Variants in TP63 observed in about 807,000 individuals in gnomAD.
The protein encoded by TP63 is tumor protein p63.
In TP63, 17 loss-of-function variants were observed where a neutral mutation model predicts 82.8. That is an observed-to-expected ratio of 0.21 (90% CI 0.14 to 0.31). TP63 has a LOEUF of 0.31. Ranked by LOEUF, TP63 falls within the 10% of genes least tolerant of loss-of-function variation. The probability of loss-of-function intolerance (pLI) is 1.00; values close to 1 mark genes in which losing one functional copy is unlikely to be tolerated. For synonymous variants in TP63, 330 were observed against 321.7 expected (o/e 1.03, Z -0.28); for missense variants, 648 against 895.3 (o/e 0.72, Z 3.52).
chr3:189,846,399 T>A (rs1714867902), intron 4 of TP63, among the ~76,000 whole-genome samples: 1 of 152,212 alleles, frequency 6.6e-6, no homozygotes, highest in South Asian at 2.1e-4. Context: ...TTGAAATATT[T>A]AGTTCATGTG....
intron 1 of TP63, among the ~76,000 whole-genome samples, chr3:189,693,798 T>A (rs1577252811): frequency 6.6e-6 from 1 of 152,226 alleles, no homozygotes; most frequent in East Asian, 1.9e-4. Flanking sequence ...TAACTCACGG[T>A]GCCTGGTGTT....
chr3:189,605,127 C>G, the TP63 span, among the ~76,000 whole-genome samples: 3 of 152,190 alleles, frequency 2.0e-5, no homozygotes, highest in Non-Finnish European at 2.9e-5. Flanking sequence ...GGAAAAAAGG[C>G]CTGTGTCCTT....
At chr3:189,612,441 A>G in the TP63 span, among the ~76,000 whole-genome samples, 1 of 152,170 alleles carries the variant, frequency 6.6e-6, no homozygotes, top group Non-Finnish European at 1.5e-5. Context: ...ACCTCCCACC[A>G]TGATTCTGAG....
intron 4 of TP63, among the ~76,000 whole-genome samples, chr3:189,848,550 A>G (rs547332792): frequency 6.6e-6 from 1 of 152,278 alleles, no homozygotes; most frequent in East Asian, 1.9e-4. Context: ...AATCTTAGCA[A>G]ATGTGTGTTA....
intron 1 of TP63, among the ~76,000 whole-genome samples, chr3:189,644,133 T>G (rs1712181681): frequency 6.6e-6 from 1 of 152,124 alleles, no homozygotes; most frequent in Admixed American, 6.6e-5. Flanking sequence ...ACAAATGCCC[T>G]GGGTTGTTCA....
At chr3:189,608,403 T>C in the TP63 span, among the ~76,000 whole-genome samples, 1 of 152,268 alleles carries the variant, frequency 6.6e-6, no homozygotes, top group Non-Finnish European at 1.5e-5. Context: ...CTTCAGCTCA[T>C]GCACCAGAAT....
At chr3:189,674,753 T>C (rs1295657958) in intron 1 of TP63, among the ~76,000 whole-genome samples, 1 of 152,094 alleles carries the variant, frequency 6.6e-6, no homozygotes, top group Non-Finnish European at 1.5e-5. Flanking sequence ...AAATGAGCTT[T>C]AGATGGGACT....
chr3:189,848,534 TA>T (rs1418802692), intron 4 of TP63, among the ~76,000 whole-genome samples: 1 of 152,100 alleles, frequency 6.6e-6, no homozygotes, highest in African/African-American at 2.4e-5. Flanking sequence ...TCTAATGTTC[TA>T]AAAAAATCTT....
the TP63 span, among the ~76,000 whole-genome samples, chr3:189,597,702 A>G: frequency 6.6e-6 from 1 of 152,130 alleles, no homozygotes; most frequent in African/African-American, 2.4e-5. Flanking sequence ...GGCTGGGTGA[A>G]TTGCTTGAGT....
intron 4 of TP63, among the ~76,000 whole-genome samples, chr3:189,822,666 G>A (rs1728916717): frequency 6.6e-6 from 1 of 152,156 alleles, no homozygotes; most frequent in Non-Finnish European, 1.5e-5. Flanking sequence ...ACAATTTTGA[G>A]ATAAGTTAAA....
At chr3:189,839,190 CTGAA>C (rs1207971157) in intron 4 of TP63, among the ~76,000 whole-genome samples, 1 of 152,042 alleles carries the variant, frequency 6.6e-6, no homozygotes, top group Non-Finnish European at 1.5e-5. Flanking sequence ...ATCCATTTCT[CTGAA>C]GAGAGAAGAA....
intron 5 of TP63, among the ~76,000 whole-genome samples, chr3:189,865,858 G>A (rs571830607): frequency 3.3e-5 from 5 of 152,118 alleles, no homozygotes; most frequent in Non-Finnish European, 7.4e-5. Context: ...CATACTATTT[G>A]TAAGCGTTTT....
chr3:189,611,544 TGTA>T, the TP63 span, among the ~76,000 whole-genome samples: 1 of 152,210 alleles, frequency 6.6e-6, no homozygotes, highest in Non-Finnish European at 1.5e-5. Context: ...ACTGTAGCCT[TGTA>T]GTATAGTTTG....
intron 1 of TP63, among the ~76,000 whole-genome samples, chr3:189,665,088 T>C (rs1361491807): frequency 1.3e-5 from 2 of 152,208 alleles, no homozygotes; most frequent in East Asian, 3.9e-4. Context: ...CATCTTACTA[T>C]TACCTGTGTT....
chr3:189,749,501 T>C (rs1379971765), intron 3 of TP63, among the ~76,000 whole-genome samples: 1 of 152,256 alleles, frequency 6.6e-6, no homozygotes, highest in African/African-American at 2.4e-5. Context: ...TATCATCTTA[T>C]GCCAGTTAGT....
At chr3:189,684,966 A>G (rs931517957) in intron 1 of TP63, among the ~76,000 whole-genome samples, 3 of 152,168 alleles carry the variant, frequency 2.0e-5, no homozygotes, top group Non-Finnish European at 2.9e-5. Context: ...TGTAATAGAT[A>G]TAATCAAACA....
rs1261498928 is a variant in TP63, at chr3:189,848,251, C to CTCTCTCTCTCTCTCTCTCTG, written c.580-15979_580-15960dup. Among the ~76,000 whole-genome samples the CTCTCTCTCTCTCTCTCTCTG allele has an allele frequency of 8.8e-4, 132 of 149,358 alleles. 2 individuals carry two copies. Among genetic ancestry groups the CTCTCTCTCTCTCTCTCTCTG allele is most frequent in the Admixed American group, 8.4e-3 (125 of 14,848 alleles). Reference sequence around the variant, plus strand: ...CTCCTCCTCCTCCTTCTCTCTCTCTCTCTCTCTCTCTCTCTCTCTGTTGCC... The same window carrying CTCTCTCTCTCTCTCTCTCTG: ...CTCCTCCTCCTCCTTCTCTCTCTCTCTCTCTCTCTCTCTCTCTCTGTCTCTCTCTCTCTCTCTCTGTTGCC... On this transcript the variant is annotated intron_variant, in intron 4 of 13. Transcript: ENST00000264731.
chr3:189,838,476 C>T (rs901572603), intron 4 of TP63, among the ~76,000 whole-genome samples: 3 of 152,088 alleles, frequency 2.0e-5, no homozygotes, highest in Non-Finnish European at 2.9e-5. Context: ...AGCACGTTTC[C>T]GTCTTAAACA....
intron 3 of TP63, among the ~76,000 whole-genome samples, chr3:189,781,201 A>G (rs1724203012): frequency 6.6e-6 from 1 of 152,234 alleles, no homozygotes; most frequent in Non-Finnish European, 1.5e-5. Context: ...ATAGCTACAG[A>G]TACCACATTT....
Sources: allele counts gnomAD v4.1 joint callset (sites outside exome capture counted in the v4.1 genomes callset), GRCh38; gene constraint gnomAD v4.1.1; transcripts MANE v1.5; gene names NCBI Gene and HGNC (gene_info 2026-07-23, HGNC 2026-07-21).